The following EYA1 variants were observed in gnomAD, a reference collection of about 807,000 sequenced individuals.
The protein encoded by EYA1 is EYA transcriptional coactivator and phosphatase 1, also known as protein phosphatase EYA1.
EYA1 carries 16 observed loss-of-function variants against 82.0 expected under a neutral mutation model. The observed-to-expected ratio is 0.20, with a 90% CI of 0.13 to 0.30. The LOEUF (loss-of-function observed/expected upper bound fraction) is 0.30, where lower values mean the gene tolerates loss of function less well. EYA1 is among the 10% of genes least tolerant of loss of function. EYA1 has a pLI of 1.00. For missense variants in EYA1, 633 were observed against 730.7 expected, an observed-to-expected ratio of 0.87 and a Z score of 1.54; for synonymous variants, 261 against 264.4, an observed-to-expected ratio of 0.99 and a Z score of 0.12.
intron 9 of EYA1, among the ~76,000 whole-genome samples, chr8:71,293,712 A>C (rs1367456664): frequency 6.6e-6 from 1 of 151,888 alleles, no homozygotes; most frequent in African/African-American, 2.4e-5. Context: ...CAGATGCATA[A>C]AAAGCATTTG....
chr8:71,344,688 G>A (rs1563503944), intron 3 of EYA1, among the ~76,000 whole-genome samples: 1 of 152,114 alleles, frequency 6.6e-6, no homozygotes. Context: ...TCAGTGAATG[G>A]CACGGCAATA....
intron 4 of EYA1, among the ~76,000 whole-genome samples, chr8:71,325,997 T>C (rs926421337): frequency 3.3e-5 from 5 of 152,194 alleles, no homozygotes; most frequent in African/African-American, 1.2e-4. Context: ...AGATCATCTA[T>C]CAAGGTAAAT....
At chr8:71,498,757 T>C (rs1811601351) in intron 2 of EYA1, among the ~76,000 whole-genome samples, 1 of 152,052 alleles carries the variant, frequency 6.6e-6, no homozygotes, top group Admixed American at 6.6e-5. Flanking sequence ...TTAAGGTAAA[T>C]ATGTAGAGAT....
chr8:71,274,810 G>A (rs1816928996), intron 9 of EYA1, among the ~76,000 whole-genome samples: 1 of 152,136 alleles, frequency 6.6e-6, no homozygotes, highest in South Asian at 2.1e-4. Context: ...CACCAGTGAA[G>A]AGGGAATATG....
chr8:71,338,227 A>G (rs937850864), intron 3 of EYA1, among the ~76,000 whole-genome samples: 2 of 152,258 alleles, frequency 1.3e-5, no homozygotes, highest in Non-Finnish European at 2.9e-5. Flanking sequence ...AGCCAAAATT[A>G]AATCAAGGTA....
intron 2 of EYA1, among the ~76,000 whole-genome samples, chr8:71,472,797 A>ATATATG (rs1347492684): frequency 8.1e-5 from 12 of 147,356 alleles, no homozygotes; most frequent in Non-Finnish European, 1.3e-4. Context: ...AGATATATAT[A>ATATATG]TATATATATA....
At chr8:71,326,426 C>T (rs764653491) in intron 4 of EYA1, among the ~76,000 whole-genome samples, 9 of 151,266 alleles carry the variant, frequency 5.9e-5, no homozygotes, top group Non-Finnish European at 1.2e-4. Flanking sequence ...TCATTTATCA[C>T]TCTGTTCCAG....
chr8:71,522,733 C>A (rs1452147423), intron 2 of EYA1, among the ~76,000 whole-genome samples: 1 of 151,846 alleles, frequency 6.6e-6, no homozygotes, highest in Non-Finnish European at 1.5e-5. Context: ...CTCCTGCCTC[C>A]CAACTAGTTG....
chr8:71,476,895 T>C (rs934387712), intron 2 of EYA1, among the ~76,000 whole-genome samples: 1 of 152,016 alleles, frequency 6.6e-6, no homozygotes, highest in African/African-American at 2.4e-5. Context: ...ATAAATGTAA[T>C]ATAACTGAGG....
At chr8:71,444,745 C>T (rs905624458) in intron 2 of EYA1, among the ~76,000 whole-genome samples, 1 of 152,200 alleles carries the variant, frequency 6.6e-6, no homozygotes, top group Admixed American at 6.5e-5. Flanking sequence ...AACTTATAAA[C>T]ATATAAAGGG....
At chr8:71,363,242 A>G (rs1827542049), upstream of EYA1, among the ~76,000 whole-genome samples, 1 of 152,218 alleles carries the variant, frequency 6.6e-6, no homozygotes, top group Admixed American at 6.5e-5. Context: ...ATACATTTCC[A>G]GATCGTCAAC....
intron 9 of EYA1, among the ~76,000 whole-genome samples, chr8:71,283,832 G>A (rs1305742217): frequency 1.3e-5 from 2 of 152,214 alleles, no homozygotes; most frequent in Non-Finnish European, 2.9e-5. Flanking sequence ...AGATGGAAGA[G>A]TGGAGAGAAC....
At chr8:71,468,269 G>A (rs1002930558) in intron 2 of EYA1, among the ~76,000 whole-genome samples, 2 of 152,106 alleles carry the variant, frequency 1.3e-5, no homozygotes, top group Admixed American at 6.6e-5. Context: ...TAAAATTCTG[G>A]TCTCTGGTCT....
At chr8:71,328,823 C>T (rs1316512656) in intron 4 of EYA1, among the ~76,000 whole-genome samples, 3 of 152,170 alleles carry the variant, frequency 2.0e-5, no homozygotes, top group Non-Finnish European at 2.9e-5. Flanking sequence ...TCTGTCTAGG[C>T]CTCAACCCTG....
intron 7 of EYA1, among the ~76,000 whole-genome samples, chr8:71,307,175 T>C (rs1254761462): frequency 6.6e-6 from 1 of 152,122 alleles, no homozygotes; most frequent in Non-Finnish European, 1.5e-5. Flanking sequence ...GAAAAGAAGG[T>C]CTCTCAACTT....
At chr8:71,222,273 A>G (rs1011693363) in intron 12 of EYA1, among the ~76,000 whole-genome samples, 1 of 152,164 alleles carries the variant, frequency 6.6e-6, no homozygotes, top group African/African-American at 2.4e-5. Context: ...TGACTCAGGT[A>G]TTTGCCACTG....
chr8:71,509,984 T>C (rs1812474280), intron 2 of EYA1, among the ~76,000 whole-genome samples: 2 of 151,620 alleles, frequency 1.3e-5, no homozygotes, highest in South Asian at 4.1e-4. Context: ...GTAATGGTAT[T>C]TTTAGATTAT....
chr8:71,526,276 T>C (rs1328491977), intron 2 of EYA1, among the ~76,000 whole-genome samples: 4 of 150,672 alleles, frequency 2.7e-5, no homozygotes, highest in African/African-American at 9.7e-5. Flanking sequence ...CACATATTTA[T>C]ATAATTAGTT....
intron 9 of EYA1, among the ~76,000 whole-genome samples, chr8:71,275,569 C>G (rs10216843): frequency 0.36 from 54,449 of 151,824 alleles, 10,374 homozygotes; most frequent in East Asian, 0.71. Flanking sequence ...GGGTTGGGCA[C>G]AGAAAGACAG....
Sources: gnomAD v4.1 joint callset for allele counts (sites outside exome capture counted in the v4.1 genomes callset) on GRCh38, gnomAD v4.1.1 for gene constraint, MANE v1.5 for transcripts, NCBI Gene and HGNC (gene_info 2026-07-23, HGNC 2026-07-21) for gene names.